The following KDM2B variants were observed in gnomAD, a reference collection of about 807,000 sequenced individuals.
KDM2B encodes the protein lysine demethylase 2B.
In KDM2B, 26 loss-of-function variants were observed where a neutral mutation model predicts 150.0. The ratio of observed to expected loss-of-function variants is 0.17; its 90% CI spans 0.13 to 0.24. KDM2B has a LOEUF of 0.24. Among genes scored for constraint, KDM2B ranks in the 10% least tolerant of loss-of-function variants. The pLI is 1.00. For synonymous variants in KDM2B, 734 were observed against 729.5 expected (o/e 1.01, Z -0.10); for missense variants, 1,265 against 1,816.9 (o/e 0.70, Z 5.52).
intron 12 of KDM2B, among the ~76,000 whole-genome samples, chr12:121,477,056 C>G (rs1881464829): frequency 6.6e-6 from 1 of 152,152 alleles, no homozygotes. Flanking sequence ...TTTTTCATCT[C>G]CTGATGAAAC....
the KDM2B span, chr12:121,423,710 G>A: frequency 1.3e-6 from 1 of 779,402 alleles, no homozygotes; most frequent in Non-Finnish European, 2.0e-6. This position sits in a 1 kb window ranked among gnomAD's most constrained non-coding sequence, Gnocchi z 4.3. Context: ...AGTGGGGACA[G>A]AAAGATCCAT....
chr12:121,436,739 T>C (rs745790460), intron 22 of KDM2B, among the ~76,000 whole-genome samples: 2 of 152,128 alleles, frequency 1.3e-5, no homozygotes, highest in Non-Finnish European at 2.9e-5. Context: ...TTCAGCATGG[T>C]AGGTGAAATG....
At chr12:121,477,005 T>A (rs4980986) in intron 12 of KDM2B, among the ~76,000 whole-genome samples, 99,310 of 152,122 alleles carry the variant, frequency 0.65, 34,391 homozygotes, top group African/African-American at 0.9. Flanking sequence ...CTGCCAAACA[T>A]CGCCAGCTAA....
At chr12:121,417,759 A>G in the KDM2B span, 1 of 1,614,212 alleles carries the variant, frequency 6.2e-7, no homozygotes, top group African/African-American at 1.3e-5. This position sits in a 1 kb window ranked among gnomAD's most constrained non-coding sequence, Gnocchi z 5.0. Flanking sequence ...CGACATGGAC[A>G]CAAGCAGTCT....
intron 4 of KDM2B, among the ~76,000 whole-genome samples, chr12:121,555,164 C>T (rs1158117695): frequency 6.6e-6 from 1 of 152,106 alleles, no homozygotes; most frequent in Non-Finnish European, 1.5e-5. Context: ...CAGAGTGAGA[C>T]TCTATCTTAA....
At chr12:121,501,458 C>T (rs560696593) in intron 11 of KDM2B, among the ~76,000 whole-genome samples, 2 of 152,208 alleles carry the variant, frequency 1.3e-5, no homozygotes, top group South Asian at 4.2e-4. Context: ...AGTGATGCAG[C>T]CACATCCAAG....
intron 4 of KDM2B, among the ~76,000 whole-genome samples, chr12:121,568,759 G>A (rs534059937): frequency 5.3e-5 from 8 of 151,608 alleles, no homozygotes; most frequent in Admixed American, 2.0e-4. Context: ...AAAATTAATC[G>A]AGCTACGTGG....
At chr12:121,545,625 G>A (rs568283677) in intron 6 of KDM2B, among the ~76,000 whole-genome samples, 3 of 152,078 alleles carry the variant, frequency 2.0e-5, no homozygotes, top group South Asian at 2.1e-4. Context: ...CAGCCCCTCC[G>A]CTCTCCCTGC....
chr12:121,440,282 T>G, intron 21 of KDM2B: 1 of 589,276 alleles, frequency 1.7e-6, no homozygotes. Flanking sequence ...CTTGAAAAAC[T>G]AAAAGACCTA....
chr12:121,501,242 G>T (rs1555301868), intron 11 of KDM2B, among the ~76,000 whole-genome samples: 3 of 152,074 alleles, frequency 2.0e-5, no homozygotes. Context: ...AGATGGGTGT[G>T]GTGGCACCTG....
rs1286031475 is a variant in KDM2B at position 121,448,480 on chromosome 12, C to T, written c.1960-3062G>A. The stretch of plus-strand genomic sequence containing the variant: ...TTAGGGTCCTCATAATTTTGAAGAG[C>T]ATGAAGGGGTCCCTGAGACCACGAA... On this transcript the variant is annotated intron_variant, in intron 13 of 22. Coordinates refer to ENST00000377071, the MANE Select transcript of KDM2B (RefSeq NM_032590.5). Among the ~76,000 whole-genome samples the T allele has an allele frequency of 2.0e-5, 3 of 151,788 alleles. No individual in the cohort carries two copies. In the East Asian group the frequency reaches 5.8e-4, roughly 29 times the overall value.
At chr12:121,443,125 AG>A in intron 17 of KDM2B, 95 bp from the exon 18 acceptor site, 1 of 1,257,232 alleles carries the variant, frequency 8.0e-7, no homozygotes, top group Non-Finnish European at 1.1e-6. Context: ...CACAGTCTCC[AG>A]AGGAGGGGCT....
the KDM2B span, among the ~76,000 whole-genome samples, chr12:121,413,088 C>G: frequency 1.3e-5 from 2 of 150,610 alleles, no homozygotes; most frequent in Admixed American, 1.3e-4. Context: ...TGCAATGGTG[C>G]GATCTAGGCT....
intron 13 of KDM2B, among the ~76,000 whole-genome samples, chr12:121,447,398 C>T (rs111690247): frequency 0.06 from 9,112 of 151,568 alleles, 333 homozygotes; most frequent in Non-Finnish European, 0.082. Flanking sequence ...CCCGCCACCA[C>T]GCCCAGCTAA....
At chr12:121,432,444 T>C (rs1183291244) in intron 22 of KDM2B, among the ~76,000 whole-genome samples, 9 of 152,232 alleles carry the variant, frequency 5.9e-5, no homozygotes, top group Non-Finnish European at 1.2e-4. Context: ...CTATGACATG[T>C]TGACCAGTTA....
rs180926616 is a variant in KDM2B at position 121,558,286 on chromosome 12, T to G, written c.398-8648A>C. Reference sequence around the variant, plus strand: ...CTTCACAGACAAATGGCAGGTGAACTAAAGACCTGACCTGGGGGTGGTTCT... The same window carrying G: ...CTTCACAGACAAATGGCAGGTGAACGAAAGACCTGACCTGGGGGTGGTTCT... On this transcript the variant is annotated intron_variant, in intron 4 of 22. Coordinates refer to ENST00000377071, the MANE Select transcript of KDM2B (RefSeq NM_032590.5). Among the ~76,000 whole-genome samples the G allele has an allele frequency of 5.9e-4, 90 of 152,012 alleles. 1 individual carries two copies. The East Asian group carries it at 0.015, about 26-fold the overall frequency.
chr12:121,440,803 C>T lies in KDM2B; in HGVS notation c.3610+13G>A. The T allele has an allele frequency of 1.3e-6, 2 of 1,597,172 alleles. No individual in the cohort carries two copies. Among genetic ancestry groups the T allele is most frequent in the Non-Finnish European group, 8.5e-7 (1 of 1,171,160 alleles). ...ACCCCACCCCCACAGAAACCCCCAG[C>T]CTGGCAACTCACCTGGCCTGTTGTC... is the stretch of plus-strand genomic sequence containing the variant. On this transcript the variant is annotated intron_variant, in intron 21 of 22. Coordinates refer to ENST00000377071, the MANE Select transcript of KDM2B (RefSeq NM_032590.5).
At chr12:121,466,722 C>G (rs148236295) in intron 12 of KDM2B, among the ~76,000 whole-genome samples, 5,246 of 150,136 alleles carry the variant, frequency 0.035, 294 homozygotes, top group African/African-American at 0.12. Context: ...TTTGCGAACG[C>G]AGAGGCAGGA....
At chr12:121,579,772 C>G (rs1891808564) in intron 1 of KDM2B, 17 of 1,384,990 alleles carry the variant, frequency 1.2e-5, no homozygotes, top group Non-Finnish European at 1.7e-5. Context: ...CTCAGCCCCC[C>G]TCCACGCCTT....
Sources: allele counts gnomAD v4.1 joint callset (sites outside exome capture counted in the v4.1 genomes callset), GRCh38; gene constraint gnomAD v4.1.1; non-coding constraint Gnocchi (gnomAD v3.1); transcripts MANE v1.5; gene names NCBI Gene and HGNC (gene_info 2026-07-23, HGNC 2026-07-21).